Variants in ICE2 observed in about 807,000 individuals in gnomAD.
ICE2 encodes the protein interactor of little elongation complex ELL subunit 2.
ICE2 carries 87 observed loss-of-function variants against 105.4 expected under a neutral mutation model. That is an observed-to-expected ratio of 0.83 (90% CI 0.69 to 0.99). The LOEUF (loss-of-function observed/expected upper bound fraction) is 0.99, where lower values mean the gene tolerates loss of function less well. Among genes scored for constraint, ICE2 ranks in the 50% least tolerant of loss-of-function variants. The probability of loss-of-function intolerance (pLI) is 0.00; values close to 1 mark genes in which losing one functional copy is unlikely to be tolerated. For missense variants in ICE2, 1,323 were observed against 1,146.7 expected, an observed-to-expected ratio of 1.15 and a Z score of -2.22; for synonymous variants, 399 against 392.0, an observed-to-expected ratio of 1.02 and a Z score of -0.21.
chr15:60,427,698 T>C (rs1210788648), intron 15 of ICE2, among the ~76,000 whole-genome samples: 18 of 152,218 alleles, frequency 1.2e-4, no homozygotes, highest in Admixed American at 7.2e-4. Context: ...ATTATAGGTG[T>C]GAGCCACTGC....
chr15:60,447,841 C>G, intron 11 of ICE2, 129 bp downstream of exon 11: 2 of 764,608 alleles, frequency 2.6e-6, no homozygotes, highest in South Asian at 4.3e-5. Flanking sequence ...AAACAAAAAA[C>G]AAAAAACAAA....
At chr15:60,473,442 A>C (rs1359758497) in intron 3 of ICE2, among the ~76,000 whole-genome samples, 1 of 151,652 alleles carries the variant, frequency 6.6e-6, no homozygotes, top group Non-Finnish European at 1.5e-5. Context: ...GCAGGCACAC[A>C]ACCACCACAC....
chr15:60,468,351 T>C (rs370075696), intron 3 of ICE2, 29 bp from the exon 4 acceptor site: 17 of 1,549,716 alleles, frequency 1.1e-5, no homozygotes, highest in Middle Eastern at 3.4e-4. Flanking sequence ...TTTACAAATA[T>C]GTGCTTTTCA....
chr15:60,466,549 T>G, intron 5 of ICE2, 45 bp downstream of exon 5: 3 of 1,600,472 alleles, frequency 1.9e-6, no homozygotes, highest in Non-Finnish European at 2.6e-6. Flanking sequence ...ATGCTGCTAT[T>G]GCCTATCACT....
At chr15:60,452,229 G>A (rs1341268781) in intron 9 of ICE2, 5 of 934,114 alleles carry the variant, frequency 5.4e-6, no homozygotes, top group Non-Finnish European at 6.4e-6. Flanking sequence ...AAGGCAAATG[G>A]CAAAGAGAAA....
At position 60,455,109 on chromosome 15, in the gene ICE2, C is replaced by A; in HGVS notation, c.837G>T (p.Gln279His). 6.3e-7 allele frequency: 1 copy of A among 1,598,190 alleles called. No homozygotes were observed. The change falls in exon 8 of 16, where the codon CAG becomes CAT. Residue 279 changes from glutamine to histidine, a missense_variant. Physicochemically the swap from Gln to His is conservative, Grantham distance 24 (BLOSUM62 0). Transcript: ENST00000261520. ...AEKLVSRYHP[Q>H]IALTSQSLFT... ...ATAATGACTGACTAGTTAGAGCTAT[C>A]TGAGGGTGATATCTGGAAACAAGCT...
intron 8 of ICE2, among the ~76,000 whole-genome samples, chr15:60,454,534 T>C (rs1313347044): frequency 6.6e-6 from 1 of 152,174 alleles, no homozygotes; most frequent in African/African-American, 2.4e-5. Context: ...ACCTAATTAA[T>C]TCATTTAGTA....
intron 5 of ICE2, among the ~76,000 whole-genome samples, chr15:60,464,774 C>A (rs764130820): frequency 2.0e-5 from 3 of 152,118 alleles, no homozygotes; most frequent in Non-Finnish European, 2.9e-5. Flanking sequence ...TCCCAGCACT[C>A]TGAGAGGCTG....
At position 60,448,963 on chromosome 15, in the gene ICE2, T is replaced by C; in HGVS notation, c.2004A>G (p.Leu668=). The C allele has an allele frequency of 6.2e-7, 1 of 1,614,118 alleles. No homozygotes were observed. Among genetic ancestry groups the C allele is most frequent in the African/African-American group, 1.3e-5 (1 of 75,058 alleles). Residue 668 remains leucine, a synonymous_variant, in exon 10 of 16, where the codon TTA becomes TTG. Coordinates refer to ENST00000261520, the MANE Select transcript of ICE2 (RefSeq NM_024611.6). ...GCTGTTTAGAATTTTCTAAATTCAT[T>C]AAGGGCAATTCTGGTACTTTTCTGG... ...PISRKVPELP[L]MNLENSKQPS...
chr15:60,450,663 G>A (rs984241630), intron 9 of ICE2, among the ~76,000 whole-genome samples: 9 of 152,210 alleles, frequency 5.9e-5, no homozygotes, highest in African/African-American at 2.2e-4. Context: ...CCAGCAGTGA[G>A]TAAGAAAGAT....
intron 3 of ICE2, among the ~76,000 whole-genome samples, chr15:60,475,697 T>A (rs748403852): frequency 2.6e-5 from 4 of 152,132 alleles, no homozygotes; most frequent in Non-Finnish European, 5.9e-5. Flanking sequence ...TATGTATGTG[T>A]GCGTGTACAC....
At chr15:60,433,044 C>T (rs1184169717) in intron 13 of ICE2, among the ~76,000 whole-genome samples, 1 of 151,924 alleles carries the variant, frequency 6.6e-6, no homozygotes, top group African/African-American at 2.4e-5. Context: ...GACAGAGAAG[C>T]CACTCACTCG....
chr15:60,456,566 A>AATATATAT lies in ICE2; in HGVS notation c.666+83_666+90dup, dbSNP rs55754214. 302 of 64,554 alleles carry AATATATAT rather than the reference A, an allele frequency of 4.7e-3. 3 individuals are homozygous for AATATATAT. Among genetic ancestry groups the AATATATAT allele is most frequent in the Non-Finnish European group, 7.7e-3 (223 of 29,040 alleles). The allele number at this position is 64,554 out of a possible 1,614,324, so 4.0% of individuals were successfully genotyped here. On this transcript the variant is annotated intron_variant, in intron 6 of 15. Coordinates refer to ENST00000261520, the MANE Select transcript of ICE2 (RefSeq NM_024611.6). Reference sequence around the variant, plus strand: ...AAAAAAAAAAATAAATAAATAAATAAATATATATATATATATATACACACA... The same window carrying AATATATAT: ...AAAAAAAAAAATAAATAAATAAATAAATATATATATATATATATATATATATACACACA...
chr15:60,466,623 G>A lies in ICE2; in HGVS notation c.499C>T (p.Leu167Phe). Reference protein sequence around the residue: ...AKKCAQDYNMLSDDARLFTEK... With the variant: ...AKKCAQDYNMFSDDARLFTEK... Reference sequence around the variant, plus strand: ...GTGAAGAGACGGGCATCATCAGAAAGCATATTATAATCCTGCGCACATTTC... The same window carrying A: ...GTGAAGAGACGGGCATCATCAGAAAACATATTATAATCCTGCGCACATTTC... The change falls in exon 5 of 16, where the codon CTT becomes TTT. Residue 167 changes from leucine to phenylalanine, a missense_variant. Transcript: ENST00000261520. The A allele has an allele frequency of 1.2e-6, 2 of 1,611,554 alleles. No individual in the cohort carries two copies. Among genetic ancestry groups the A allele is most frequent in the Non-Finnish European group, 1.7e-6 (2 of 1,179,714 alleles).
chr15:60,432,655 G>T (rs1004569579), intron 13 of ICE2, among the ~76,000 whole-genome samples: 1 of 151,848 alleles, frequency 6.6e-6, no homozygotes, highest in Non-Finnish European at 1.5e-5. Flanking sequence ...CACTCTGGGA[G>T]GCCAAGACGG....
intron 4 of ICE2, 100 bp from the exon 5 acceptor site, chr15:60,466,813 T>A (rs2064444866): frequency 1.0e-6 from 1 of 955,966 alleles, no homozygotes; most frequent in African/African-American, 1.6e-5. Context: ...TAAAGAATAA[T>A]TAAAGTATCA....
At chr15:60,427,709 G>A (rs980015654) in intron 15 of ICE2, among the ~76,000 whole-genome samples, 4 of 152,252 alleles carry the variant, frequency 2.6e-5, no homozygotes, top group South Asian at 2.1e-4. Context: ...GAGCCACTGC[G>A]CCCAGCCCAG....
chr15:60,462,228 C>A (rs1425836926), intron 5 of ICE2, among the ~76,000 whole-genome samples: 2 of 152,076 alleles, frequency 1.3e-5, no homozygotes. Flanking sequence ...TACAACTGTG[C>A]AAACCACAGT....
chr15:60,433,155 T>C (rs2063500977), intron 13 of ICE2, among the ~76,000 whole-genome samples: 1 of 151,760 alleles, frequency 6.6e-6, no homozygotes, highest in Non-Finnish European at 1.5e-5. Flanking sequence ...TGGAGCGATC[T>C]TGGCTCACTG....
Sources: gnomAD v4.1 joint callset for allele counts (sites outside exome capture counted in the v4.1 genomes callset) on GRCh38, gnomAD v4.1.1 for gene constraint, MANE v1.5 for transcripts, NCBI Gene and HGNC (gene_info 2026-07-23, HGNC 2026-07-21) for gene names.